ARAP1: variants seen among roughly 807,000 people sequenced by gnomAD.
ARAP1 encodes arf-GAP with Rho-GAP domain, ANK repeat and PH domain-containing protein 1.
ARAP1 carries 76 observed loss-of-function variants against 172.2 expected under a neutral mutation model. The observed-to-expected ratio is 0.44, with a 90% CI of 0.37 to 0.53. The LOEUF is 0.53. ARAP1 is among the 20% of genes least tolerant of loss of function. The pLI is 0.00. For synonymous variants in ARAP1, 804 were observed against 803.3 expected (o/e 1.00, Z -0.01); for missense variants, 1,686 against 1,977.5 (o/e 0.85, Z 2.80).
intron 22 of ARAP1, 28 bp downstream of exon 22, chr11:72,696,955 G>A (rs1041753890): frequency 9.4e-6 from 15 of 1,588,272 alleles, no homozygotes; most frequent in Non-Finnish European, 1.2e-5. Flanking sequence ...GGAGGAGGAG[G>A]AGGCTGGGCA....
chr11:72,692,288 CAG>C (rs1365040113), intron 30 of ARAP1, among the ~76,000 whole-genome samples: 3 of 152,118 alleles, frequency 2.0e-5, no homozygotes, highest in African/African-American at 4.8e-5. Flanking sequence ...CAGGAAGCCT[CAG>C]AGAGACTGCT....
At chr11:72,712,367 C>G (rs762927914) in intron 6 of ARAP1, 28 bp from the exon 7 acceptor site, 13 of 1,486,128 alleles carry the variant, frequency 8.7e-6, no homozygotes, top group Non-Finnish European at 1.2e-5. Flanking sequence ...GATGGGGGGC[C>G]GGGCTGAGGA....
intron 1 of ARAP1, among the ~76,000 whole-genome samples, chr11:72,751,452 C>T (rs1042605653): frequency 5.3e-5 from 8 of 152,170 alleles, no homozygotes; most frequent in Admixed American, 2.6e-4. Context: ...TGGGCTCCTT[C>T]TACCCTGTGA....
At chr11:72,717,560 C>T (rs547048623) in intron 3 of ARAP1, among the ~76,000 whole-genome samples, 9 of 152,334 alleles carry the variant, frequency 5.9e-5, no homozygotes, top group South Asian at 2.1e-4. Flanking sequence ...TCAACTGCGA[C>T]GGGTCTGTGC....
intron 3 of ARAP1, among the ~76,000 whole-genome samples, chr11:72,719,654 C>T (rs1857426295): frequency 6.6e-6 from 1 of 152,218 alleles, no homozygotes; most frequent in Non-Finnish European, 1.5e-5. Context: ...TCTCCTTCAC[C>T]CCTACCCGTT....
rs754334958 is a variant in ARAP1, at chr11:72,702,977, TGGG to T, written c.2092_2094del (p.Pro698del). ...GCCTGCTCTGCAAGAGCCAGGGGCG[TGGG>T]GGCCTCAGGGTCCCCCGAGAAGCAG... On this transcript the variant is annotated inframe_deletion, in exon 15 of 35. Transcript: ENST00000393609. The T allele has an allele frequency of 6.4e-7, 1 of 1,568,758 alleles. No individual in the cohort carries two copies. The highest frequency in any genetic ancestry group is 2.4e-5 in the East Asian group (1 of 42,474).
At chr11:72,732,882 C>A (rs950995062) in intron 1 of ARAP1, among the ~76,000 whole-genome samples, 1 of 152,016 alleles carries the variant, frequency 6.6e-6, no homozygotes, top group African/African-American at 2.4e-5. Context: ...ACTCAGGAGG[C>A]TGAGGTGGGA....
rs1856941504 is a variant in ARAP1, at chr11:72,710,045, AG to A, written c.1417-70del. On this transcript the variant is annotated intron_variant, in intron 10 of 34. Coordinates refer to ENST00000393609, the MANE Select transcript of ARAP1 (RefSeq NM_001040118.3). The surrounding 1 kb of genome is among the most constrained non-coding windows in gnomAD (Gnocchi z 4.3). ...AGGGCGTGAGGCTTGGGACAGGGAG[AG>A]GAAGGGAAGGTGGTGCAACTCAGGG... 1.4e-6 allele frequency: 2 copies of A among 1,391,820 alleles called. No homozygotes were observed. Among genetic ancestry groups the A allele is most frequent in the Admixed American group, 3.4e-5 (2 of 58,986 alleles). 86.2% of individuals were successfully genotyped at this position (1,391,820 alleles called of 1,614,324 possible). A position where few individuals can be genotyped will look rare whatever the true frequency, so the allele number is the denominator to read the frequency against.
At chr11:72,713,371 A>T in intron 4 of ARAP1, 128 bp from the exon 5 acceptor site, 2 of 808,460 alleles carry the variant, frequency 2.5e-6, no homozygotes, top group African/African-American at 1.7e-5. Flanking sequence ...TGGCTTTCAA[A>T]AAAAGGCACA....
At chr11:72,738,029 C>T (rs557358514) in intron 1 of ARAP1, among the ~76,000 whole-genome samples, 10 of 152,276 alleles carry the variant, frequency 6.6e-5, no homozygotes, top group Admixed American at 5.9e-4. Flanking sequence ...CTGGAGCTCA[C>T]GGGGCCTTCA....
chr11:72,751,103 T>A (rs1414762746), intron 1 of ARAP1, among the ~76,000 whole-genome samples: 1 of 152,020 alleles, frequency 6.6e-6, no homozygotes, highest in African/African-American at 2.4e-5. Context: ...CTCTGCCCCC[T>A]CCACCTCATC....
At chr11:72,740,888 T>C (rs138068621) in intron 1 of ARAP1, among the ~76,000 whole-genome samples, 69 of 152,180 alleles carry the variant, frequency 4.5e-4, no homozygotes, top group Non-Finnish European at 8.4e-4. Context: ...TACCACACCT[T>C]AAGCCTCACC....
rs760836415 is a variant in ARAP1 at position 72,711,034 on chromosome 11, C to T, written c.1200G>A (p.Arg400=). 3 of 1,614,230 alleles carry T rather than the reference C, an allele frequency of 1.9e-6. No individual in the cohort carries two copies. Among genetic ancestry groups the T allele is most frequent in the Non-Finnish European group, 2.5e-6 (3 of 1,180,038 alleles). ...CACACTCCCCACCATCACTCTCTGC[C>T]CGGAAGGCAAAGGTTCGGTTGTTTG... ...VITNNRTFAF[R]AESDVERKEW... is the part of the protein sequence containing the mutation. Residue 400 remains arginine, a synonymous_variant, in exon 9 of 35, where the codon CGG becomes CGA. Transcript: ENST00000393609.
chr11:72,722,161 G>GAC, intron 3 of ARAP1: 1 of 983,352 alleles, frequency 1.0e-6, no homozygotes, highest in Non-Finnish European at 1.2e-6. Context: ...CAGAGAGAGA[G>GAC]AGAGAGAGAG....
In ARAP1 at chr11:72,685,655, C is replaced by A; in HGVS notation, c.*9G>T. ...GCGGAATCCTAGAGCCAAGGATGGG[C>A]TCCTGTGCTCAGACGTTGCGCAGAA... On this transcript the variant is annotated 3_prime_UTR_variant, in exon 35 of 35. Coordinates refer to ENST00000393609, the MANE Select transcript of ARAP1 (RefSeq NM_001040118.3). The A allele has an allele frequency of 6.2e-7, 1 of 1,614,118 alleles. No homozygotes were observed. Among genetic ancestry groups the A allele is most frequent in the South Asian group, 1.1e-5 (1 of 91,082 alleles).
Position 72,741,549 on chromosome 11 carries a change from G to A in ARAP1, c.-127-8952C>T, listed in dbSNP as rs1858199390. 6.6e-6 allele frequency among the ~76,000 whole-genome samples: 1 copy of A among 152,188 alleles called. No individual in the cohort carries two copies. The highest frequency in any genetic ancestry group is 6.5e-5 in the Admixed American group (1 of 15,282). On this transcript the variant is annotated intron_variant, in intron 1 of 34. Transcript: ENST00000393609. The surrounding 1 kb of genome is among the most constrained non-coding windows in gnomAD (Gnocchi z 4.5). ...TGGCAACTCCTCCCACAGAGGGCAAGGGGCAGCCTGAGGAGCCACAGGATG... is the reference window on the plus strand; with the variant it reads ...TGGCAACTCCTCCCACAGAGGGCAAAGGGCAGCCTGAGGAGCCACAGGATG...
In ARAP1 at chr11:72,695,923, A is replaced by C. The variant is rs1856168662; in HGVS notation, c.3273-58T>G. 3 of 1,551,950 alleles carry C rather than the reference A, an allele frequency of 1.9e-6. No individual in the cohort carries two copies. The highest frequency in any genetic ancestry group is 4.5e-5 in the East Asian group (2 of 44,174). ...GAGTCAGGCCAGAGCTTCCCATCTC[A>C]CCCTATTAATTTCTGACAGGTCCAA... On this transcript the variant is annotated intron_variant, in intron 23 of 34. Transcript: ENST00000393609. This position sits in a 1 kb window ranked among gnomAD's most constrained non-coding sequence, Gnocchi z 4.4.
At chr11:72,729,360 G>C (rs889849377) in intron 2 of ARAP1, among the ~76,000 whole-genome samples, 1 of 152,156 alleles carries the variant, frequency 6.6e-6, no homozygotes, top group Non-Finnish European at 1.5e-5. Flanking sequence ...GGGATGCTGA[G>C]GCAGGCAGAT....
chr11:72,698,048 C>G lies in ARAP1; in HGVS notation c.2600G>C (p.Arg867Pro). Residue 867 changes from arginine (R) to proline (P), a missense_variant, in exon 19 of 35, where the codon CGC becomes CCC. Around this residue, in one of 5 missense-constraint regions of ARAP1, gnomAD observed 688 missense variants for 856.9 expected, o/e 0.80. Transcript: ENST00000393609. ...GCTCAGGCCAGCTTTGTAGGGTAGG[C>G]GTCCCAGCCGCTCAAAATCCCGGGC... ...LLARDFERLGRLPYKAGLSLQ... is the reference protein window; with the variant it reads ...LLARDFERLGPLPYKAGLSLQ... 1 of 1,607,244 alleles carries G rather than the reference C, an allele frequency of 6.2e-7. No homozygotes were observed.
Sources: allele counts gnomAD v4.1 joint callset (sites outside exome capture counted in the v4.1 genomes callset), GRCh38; gene constraint gnomAD v4.1.1; regional missense constraint gnomAD v4.1.1; non-coding constraint Gnocchi (gnomAD v3.1); transcripts MANE v1.5; gene names NCBI Gene and HGNC (gene_info 2026-07-23, HGNC 2026-07-21).